The following KCNH4 variants were observed in gnomAD, a reference collection of about 807,000 sequenced individuals.
The protein encoded by KCNH4 is potassium voltage-gated channel subfamily H member 4, also known as voltage-gated delayed rectifier potassium channel KCNH4.
A neutral mutation model predicts 90.7 loss-of-function variants in KCNH4; 33 were observed. The observed-to-expected ratio is 0.36, with a 90% CI of 0.28 to 0.49. The LOEUF (loss-of-function observed/expected upper bound fraction) is 0.49, where lower values mean the gene tolerates loss of function less well. KCNH4 is among the 20% of genes least tolerant of loss of function. The pLI is 0.98. For synonymous variants in KCNH4, 551 were observed against 581.7 expected, an observed-to-expected ratio of 0.95 and a Z score of 0.76; for missense variants, 1,044 against 1,387.1, an observed-to-expected ratio of 0.75 and a Z score of 3.93.
chr17:42,167,243 C>T (rs1046753444), intron 9 of KCNH4, among the ~76,000 whole-genome samples: 31 of 152,092 alleles, frequency 2.0e-4, no homozygotes, highest in Non-Finnish European at 4.6e-4. Context: ...GCCCTGAGCC[C>T]TAACTCTGGG....
chr17:42,178,928 C>T lies in KCNH4; in HGVS notation c.175G>A (p.Glu59Lys), dbSNP rs988269112. 4 of 1,614,220 alleles carry T rather than the reference C, an allele frequency of 2.5e-6. No individual in the cohort carries two copies. Among genetic ancestry groups the T allele is most frequent in the Non-Finnish European group, 2.5e-6 (3 of 1,180,050 alleles). Reference protein sequence around the residue: ...FCELTGYGRTEVMQKTCSCRF... With the variant: ...FCELTGYGRTKVMQKTCSCRF... Reference sequence around the variant, plus strand: ...CAGCTGCAGGTCTTCTGCATGACCTCGGTGCGACCGTAGCCTGTGAGCTCG... The same window carrying T: ...CAGCTGCAGGTCTTCTGCATGACCTTGGTGCGACCGTAGCCTGTGAGCTCG... The change falls in exon 2 of 17, where the codon GAG (glutamate) becomes AAG (lysine). Residue 59 changes from glutamate to lysine, a missense_variant. Around this residue, in one of 4 missense-constraint regions of KCNH4, gnomAD observed 283 missense variants for 378.6 expected, o/e 0.75. Coordinates refer to ENST00000264661, the MANE Select transcript of KCNH4 (RefSeq NM_012285.3).
At position 42,176,171 on chromosome 17, in the gene KCNH4, A is replaced by G. The variant is rs2079859589; in HGVS notation, c.712T>C (p.Phe238Leu). ...TAGGGGACGGTGACCGCAACGTAGAAGGTGGCAAGGAGGATAAGGCCGTCC... is the reference window on the plus strand; with the variant it reads ...TAGGGGACGGTGACCGCAACGTAGAGGGTGGCAAGGAGGATAAGGCCGTCC... The part of the protein sequence containing the change: ...IWDGLILLAT[F>L]YVAVTVPYNV... The change falls in exon 5 of 17, where the codon TTC (phenylalanine) becomes CTC (leucine). Residue 238 changes from phenylalanine (F) to leucine (L), a missense_variant. Phe to Leu is a conservative substitution (Grantham distance 22, BLOSUM62 0). Transcript: ENST00000264661. 1 of 1,613,922 alleles carries G rather than the reference A, an allele frequency of 6.2e-7. No homozygotes were observed. The highest frequency in any genetic ancestry group is 1.1e-5 in the South Asian group (1 of 91,080).
intron 5 of KCNH4, 67 bp from the exon 6 acceptor site, chr17:42,175,803 A>C: frequency 6.3e-7 from 1 of 1,575,860 alleles, no homozygotes; most frequent in South Asian, 1.1e-5. Flanking sequence ...CAAAGCTGGG[A>C]ACAAGCTTTG....
intron 11 of KCNH4, 77 bp from the exon 12 acceptor site, chr17:42,164,245 A>G (rs939136121): frequency 7.6e-7 from 1 of 1,313,048 alleles, no homozygotes; most frequent in Non-Finnish European, 1.0e-6. Context: ...GTCCCACCCA[A>G]CAGTGTTATG....
At chr17:42,169,817 G>C (rs977281937) in intron 8 of KCNH4, 141 bp from the exon 9 acceptor site, 1 of 831,392 alleles carries the variant, frequency 1.2e-6, no homozygotes. Flanking sequence ...TAAGGGTGGG[G>C]AATAGGGAGT....
At chr17:42,173,508 G>C (rs2079841098) in intron 6 of KCNH4, among the ~76,000 whole-genome samples, 2 of 151,858 alleles carry the variant, frequency 1.3e-5, no homozygotes, top group African/African-American at 4.8e-5. Context: ...AGAATATCCA[G>C]GCCTGGCTCC....
intron 6 of KCNH4, 60 bp from the exon 7 acceptor site, chr17:42,172,055 C>T: frequency 7.7e-6 from 11 of 1,434,220 alleles, no homozygotes; most frequent in African/African-American, 1.4e-5. Context: ...CCCTCAGAGT[C>T]CCCTCCCAGG....
chr17:42,170,033 T>C, intron 8 of KCNH4, 74 bp downstream of exon 8: 1 of 1,451,942 alleles, frequency 6.9e-7, no homozygotes, highest in Admixed American at 2.2e-5. Flanking sequence ...TGTCTTGCCC[T>C]CTCTGGGCCT....
rs2079898824 is a variant in KCNH4, at chr17:42,181,125, C to T, written c.-180G>A. 1.8e-6 allele frequency: 1 copy of T among 570,190 alleles called. No homozygotes were observed. Among genetic ancestry groups the T allele is most frequent in the East Asian group, 3.3e-5 (1 of 30,452 alleles). 35.3% of individuals were successfully genotyped at this position (570,190 alleles called of 1,614,324 possible). Reference sequence around the variant, plus strand: ...CCGAACCCCGTAGCTCTCGGCTCGGCTCAGCGCCGTTTCGGTCCCCCCCAC... The same window carrying T: ...CCGAACCCCGTAGCTCTCGGCTCGGTTCAGCGCCGTTTCGGTCCCCCCCAC... On this transcript the variant is annotated 5_prime_UTR_variant, in exon 1 of 17. Coordinates refer to ENST00000264661, the MANE Select transcript of KCNH4 (RefSeq NM_012285.3).
In KCNH4 at chr17:42,162,259, G is replaced by A. The variant is rs775391837; in HGVS notation, c.2647C>T (p.Leu883=). The change falls in exon 15 of 17, where the codon CTG becomes TTG. Residue 883 remains leucine (L), a synonymous_variant. Transcript: ENST00000264661. ...AEEVKEKVCR[L]NQEISRLNQE... ...CAGCCCCAACCCACCTCCTGGTTCA[G>A]CCGGCAAACCTTTTCCTTCACCTCC... The A allele has an allele frequency of 7.4e-6, 12 of 1,613,904 alleles. No individual in the cohort carries two copies. In the South Asian group the frequency reaches 1.1e-4, roughly 15 times the overall value.
intron 10 of KCNH4, 149 bp downstream of exon 10, chr17:42,166,148 G>A (rs1455556709): frequency 2.3e-5 from 23 of 981,440 alleles, no homozygotes; most frequent in Admixed American, 1.1e-4. Context: ...GTCGTAGGGC[G>A]GAGGGACCGA....
intron 15 of KCNH4, among the ~76,000 whole-genome samples, chr17:42,161,659 G>T (rs1054141682): frequency 2.6e-5 from 4 of 152,190 alleles, no homozygotes; most frequent in Admixed American, 6.5e-5. Flanking sequence ...GGGCAGGAAA[G>T]AGTCCTACAG....
At chr17:42,162,059 C>G (rs1020489827) in intron 15 of KCNH4, among the ~76,000 whole-genome samples, 189 bp downstream of exon 15, 1 of 151,226 alleles carries the variant, frequency 6.6e-6, no homozygotes, top group Non-Finnish European at 1.5e-5. Flanking sequence ...CAGGTTCAAG[C>G]GATTCTCCTG....
rs1341559697 is a variant in KCNH4, at chr17:42,162,272, T to C, written c.2634A>G (p.Glu878=). The change falls in exon 15 of 17, where the codon GAA becomes GAG. Residue 878 remains glutamate, a synonymous_variant. Coordinates refer to ENST00000264661, the MANE Select transcript of KCNH4 (RefSeq NM_012285.3). Reference sequence around the variant, plus strand: ...CCTCCTGGTTCAGCCGGCAAACCTTTTCCTTCACCTCCTCAGCCTCACTGG... The same window carrying C: ...CCTCCTGGTTCAGCCGGCAAACCTTCTCCTTCACCTCCTCAGCCTCACTGG... ...ELASEAEEVK[E]KVCRLNQEIS... is the part of the protein sequence containing the mutation. The C allele has an allele frequency of 6.2e-7, 1 of 1,614,032 alleles. No homozygotes were observed. Among genetic ancestry groups the C allele is most frequent in the East Asian group, 2.2e-5 (1 of 44,856 alleles).
At position 42,178,773 on chromosome 17, in the gene KCNH4, G is replaced by A. The variant is rs1407954982; in HGVS notation, c.310+20C>T. On this transcript the variant is annotated intron_variant, in intron 2 of 16. Transcript: ENST00000264661. ...GCTAGGGGTCTAGGCAGAGCTGCAG[G>A]GTGGGGTGAGCCCCCTCACCATCCT... The A allele has an allele frequency of 1.3e-6, 2 of 1,593,326 alleles. No individual in the cohort carries two copies. Among genetic ancestry groups the A allele is most frequent in the South Asian group, 1.1e-5 (1 of 90,600 alleles).
rs371326352 is a variant in KCNH4, at chr17:42,166,578, C to T, written c.1591-32G>A. Reference sequence around the variant, plus strand: ...AAGGGGCATAGGTCATTCTGGCCATCCCCCTGCAGCTACTACTTGAGTCTA... The same window carrying T: ...AAGGGGCATAGGTCATTCTGGCCATTCCCCTGCAGCTACTACTTGAGTCTA... On this transcript the variant is annotated intron_variant, in intron 9 of 16. Transcript: ENST00000264661. The T allele has an allele frequency of 5.7e-5, 91 of 1,585,014 alleles. 1 individual carries two copies. The highest frequency in any genetic ancestry group is 7.5e-5 in the Non-Finnish European group (87 of 1,159,696).
At position 42,160,190 on chromosome 17, in the gene KCNH4, C is replaced by G. The variant is rs1450425151; in HGVS notation, c.2904G>C (p.Gly968=). The change falls in exon 16 of 17, where the codon GGG becomes GGC. Residue 968 remains glycine, a synonymous_variant. Transcript: ENST00000264661. ...AAGGTCTCAAGTCCAGGAGCGCAGT[C>G]CCTGTCTCCATGGTCCCCACACTGG... ...CPASVGTMET[G]TALLDLRPSI... 1.2e-6 allele frequency: 2 copies of G among 1,613,720 alleles called. No individual in the cohort carries two copies. The highest frequency in any genetic ancestry group is 1.7e-6 in the Non-Finnish European group (2 of 1,179,806).
At chr17:42,166,915 C>G (rs554000789) in intron 9 of KCNH4, among the ~76,000 whole-genome samples, 2 of 152,318 alleles carry the variant, frequency 1.3e-5, no homozygotes, top group South Asian at 4.1e-4. Flanking sequence ...TTTCCGCTCG[C>G]TGGGCCTCAG....
Position 42,168,872 on chromosome 17 carries a change from T to C in KCNH4, c.1590+605A>G, listed in dbSNP as rs559430673. Among the ~76,000 whole-genome samples, 229 of 148,260 alleles carry C rather than the reference T, an allele frequency of 1.5e-3. 1 individual carries two copies. Among genetic ancestry groups the C allele is most frequent in the African/African-American group, 5.5e-3 (220 of 40,270 alleles). Reference sequence around the variant, plus strand: ...CTGCAAGCTCCGCCTCCCGGGTTCATGCCATTCTCCTGCATCAGCCTCCTG... The same window carrying C: ...CTGCAAGCTCCGCCTCCCGGGTTCACGCCATTCTCCTGCATCAGCCTCCTG... On this transcript the variant is annotated intron_variant, in intron 9 of 16. Transcript: ENST00000264661.
Sources: gnomAD v4.1 joint callset for allele counts (sites outside exome capture counted in the v4.1 genomes callset) on GRCh38, gnomAD v4.1.1 for gene constraint, gnomAD v4.1.1 regional missense constraint, MANE v1.5 for transcripts, NCBI Gene and HGNC (gene_info 2026-07-23, HGNC 2026-07-21) for gene names.